The following SNX27 variants were observed in gnomAD, a reference collection of about 807,000 sequenced individuals.
The protein encoded by SNX27 is sorting nexin 27.
A neutral mutation model predicts 71.6 loss-of-function variants in SNX27; 22 were observed. That is an observed-to-expected ratio of 0.31 (90% CI 0.22 to 0.44). SNX27 has a LOEUF of 0.44. Among genes scored for constraint, SNX27 ranks in the 20% least tolerant of loss-of-function variants. The pLI is 1.00. For missense variants in SNX27, 531 were observed against 698.6 expected, an observed-to-expected ratio of 0.76 and a Z score of 2.70; for synonymous variants, 269 against 277.2, an observed-to-expected ratio of 0.97 and a Z score of 0.29.
chr1:151,688,622 ACT>A (rs1671297447), intron 8 of SNX27, among the ~76,000 whole-genome samples: 1 of 131,598 alleles, frequency 7.6e-6, no homozygotes, highest in East Asian at 2.3e-4. Flanking sequence ...ACAGAGTGAG[ACT>A]CTGTCTCAAA....
chr1:151,646,166 A>G (rs1010998892), intron 2 of SNX27, among the ~76,000 whole-genome samples: 6 of 152,102 alleles, frequency 3.9e-5, no homozygotes, highest in East Asian at 1.9e-4. Flanking sequence ...CCACTAACAT[A>G]TAGCCACTAG....
At chr1:151,644,862 A>C (rs190515556) in intron 2 of SNX27, among the ~76,000 whole-genome samples, 1 of 151,862 alleles carries the variant, frequency 6.6e-6, no homozygotes. Flanking sequence ...GCAGTGGCGC[A>C]ATATTGGCCC....
At chr1:151,620,298 TC>T (rs1323474122) in intron 1 of SNX27, among the ~76,000 whole-genome samples, 1 of 152,232 alleles carries the variant, frequency 6.6e-6, no homozygotes, top group Admixed American at 6.5e-5. Flanking sequence ...ACCCAGGACT[TC>T]CTGTGAATTC....
rs945823033 is a variant in SNX27 at position 151,695,348 on chromosome 1, G to A, written c.*931G>A. ...CCCTCAACCGACCCTGGCTCAGGAGGTTGATGCCATGGGAACCTGAACCTG... is the reference window on the plus strand; with the variant it reads ...CCCTCAACCGACCCTGGCTCAGGAGATTGATGCCATGGGAACCTGAACCTG... On this transcript the variant is annotated 3_prime_UTR_variant, in exon 12 of 12. Transcript: ENST00000458013. The A allele has an allele frequency of 6.7e-6, 1 of 149,334 alleles. No homozygotes were observed. Among genetic ancestry groups the A allele is most frequent in the African/African-American group, 2.5e-5 (1 of 40,368 alleles). 9.3% of individuals were successfully genotyped at this position (149,334 alleles called of 1,614,324 possible). A position where few individuals can be genotyped will look rare whatever the true frequency, so the allele number is the denominator to read the frequency against.
At chr1:151,657,512 T>C (rs1669751180) in intron 2 of SNX27, among the ~76,000 whole-genome samples, 1 of 152,166 alleles carries the variant, frequency 6.6e-6, no homozygotes, top group South Asian at 2.1e-4. Context: ...GAATCAACTT[T>C]AGAGCCAGTT....
intron 2 of SNX27, among the ~76,000 whole-genome samples, chr1:151,653,842 T>TG (rs1043613582): frequency 2.9e-4 from 43 of 149,540 alleles, no homozygotes; most frequent in East Asian, 2.1e-3. Context: ...TTTTGTTTTT[T>TG]TTTTTTTTTG....
intron 2 of SNX27, among the ~76,000 whole-genome samples, chr1:151,657,755 G>T (rs2102675686): frequency 6.6e-6 from 1 of 152,136 alleles, no homozygotes; most frequent in East Asian, 1.9e-4. Flanking sequence ...CTCCTGCTGG[G>T]TGCGGTGGTT....
At chr1:151,637,918 T>C (rs892770432) in intron 1 of SNX27, among the ~76,000 whole-genome samples, 6 of 152,240 alleles carry the variant, frequency 3.9e-5, no homozygotes, top group African/African-American at 1.2e-4. Context: ...GTCAGGTGTG[T>C]ATTTCCTACC....
At chr1:151,640,920 C>T (rs1015276941) in intron 2 of SNX27, among the ~76,000 whole-genome samples, 2 of 152,198 alleles carry the variant, frequency 1.3e-5, no homozygotes, top group Non-Finnish European at 2.9e-5. Context: ...CCATATTTTA[C>T]ATTTTCCAGA....
At position 151,651,351 on chromosome 1, in the gene SNX27, C is replaced by T. The variant is rs571896139; in HGVS notation, c.544-6884C>T. Among the ~76,000 whole-genome samples, 23 of 151,294 alleles carry T rather than the reference C, an allele frequency of 1.5e-4. 1 individual carries two copies. In the South Asian group the frequency reaches 2.9e-3, roughly 19 times the overall value. On this transcript the variant is annotated intron_variant, in intron 2 of 11. Coordinates refer to ENST00000458013, the MANE Select transcript of SNX27 (RefSeq NM_001330723.2). ...GGGCTGACCCCCCCCACCTCCCTCC[C>T]GGATGGGGCGGCTGGCCTGGCGGGG...
intron 8 of SNX27, among the ~76,000 whole-genome samples, chr1:151,691,466 GTT>G (rs553869904): frequency 5.3e-5 from 7 of 132,582 alleles, no homozygotes; most frequent in Admixed American, 7.7e-5. Context: ...TGTTTTTCTG[GTT>G]TTTTTTTTTT....
chr1:151,659,005 A>G (rs1669833322), intron 3 of SNX27, among the ~76,000 whole-genome samples: 1 of 152,170 alleles, frequency 6.6e-6, no homozygotes, highest in African/African-American at 2.4e-5. Flanking sequence ...GCAAACACAT[A>G]TAGACTCAGC....
chr1:151,637,786 A>C (rs920211412), intron 1 of SNX27, among the ~76,000 whole-genome samples: 1 of 152,260 alleles, frequency 6.6e-6, no homozygotes, highest in Admixed American at 6.5e-5. Context: ...AGTTTATGGA[A>C]GGCTTGTTAC....
At chr1:151,664,479 C>T (rs1210937247) in intron 5 of SNX27, among the ~76,000 whole-genome samples, 1 of 151,910 alleles carries the variant, frequency 6.6e-6, no homozygotes, top group Non-Finnish European at 1.5e-5. Context: ...TAGAATAGGA[C>T]ATTTCCCTAA....
Position 151,653,014 on chromosome 1 carries a change from G to A in SNX27, c.544-5221G>A, listed in dbSNP as rs186731315. ...TCGATCTTGGCCCACTGCAACCTCCGCCTCCCAGGTTCAAGCAGTTCTCCT... is the reference window on the plus strand; with the variant it reads ...TCGATCTTGGCCCACTGCAACCTCCACCTCCCAGGTTCAAGCAGTTCTCCT... On this transcript the variant is annotated intron_variant, in intron 2 of 11. Transcript: ENST00000458013. Among the ~76,000 whole-genome samples, 20 of 147,384 alleles carry A rather than the reference G, an allele frequency of 1.4e-4. No individual in the cohort carries two copies. In the East Asian group the frequency reaches 3.3e-3, roughly 24 times the overall value.
chr1:151,655,577 G>A (rs1215692949), intron 2 of SNX27, among the ~76,000 whole-genome samples: 1 of 152,182 alleles, frequency 6.6e-6, no homozygotes, highest in Non-Finnish European at 1.5e-5. Flanking sequence ...TCCCTGAGCT[G>A]CAGTTTAGGA....
chr1:151,637,820 A>T (rs944167608), intron 1 of SNX27, among the ~76,000 whole-genome samples: 1 of 152,234 alleles, frequency 6.6e-6, no homozygotes, highest in Non-Finnish European at 1.5e-5. Context: ...ATTTTTCAGG[A>T]AGGAAAATCC....
At chr1:151,653,798 GACAAGAGCC>G (rs1204787753) in intron 2 of SNX27, among the ~76,000 whole-genome samples, 2 of 150,976 alleles carry the variant, frequency 1.3e-5, no homozygotes, top group Non-Finnish European at 2.9e-5. Flanking sequence ...TGGGATTATA[GACAAGAGCC>G]ACTGTGCCCA....
At chr1:151,681,980 A>G (rs1670987638) in intron 7 of SNX27, among the ~76,000 whole-genome samples, 1 of 152,192 alleles carries the variant, frequency 6.6e-6, no homozygotes, top group Non-Finnish European at 1.5e-5. Flanking sequence ...GGCTTCCCTG[A>G]TAACTGTAAT....
Sources: allele counts gnomAD v4.1 joint callset (sites outside exome capture counted in the v4.1 genomes callset), GRCh38; gene constraint gnomAD v4.1.1; transcripts MANE v1.5; gene names NCBI Gene and HGNC (gene_info 2026-07-23, HGNC 2026-07-21).